The following NBEA variants were observed in gnomAD, a reference collection of about 807,000 sequenced individuals.
NBEA encodes lysosomal-trafficking regulator 2.
NBEA carries 44 observed loss-of-function variants against 343.4 expected under a neutral mutation model. The ratio of observed to expected loss-of-function variants is 0.13; its 90% CI spans 0.10 to 0.16. The LOEUF (loss-of-function observed/expected upper bound fraction) is 0.16. NBEA is among the 10% of genes least tolerant of loss of function. The probability of loss-of-function intolerance (pLI) is 1.00; values close to 1 mark genes in which losing one functional copy is unlikely to be tolerated. For missense variants in NBEA, 2,555 were observed against 3,631.3 expected, an observed-to-expected ratio of 0.70 and a Z score of 7.62; for synonymous variants, 1,175 against 1,238.7, an observed-to-expected ratio of 0.95 and a Z score of 1.08.
chr13:35,259,305 A>T (rs4941809), intron 34 of NBEA, among the ~76,000 whole-genome samples: 2 of 152,196 alleles, frequency 1.3e-5, no homozygotes, highest in African/African-American at 4.8e-5. Flanking sequence ...AACTACATTG[A>T]CTGCAGAAAG....
chr13:35,024,539 G>T (rs2061953401), intron 1 of NBEA, among the ~76,000 whole-genome samples: 1 of 152,074 alleles, frequency 6.6e-6, no homozygotes, highest in Non-Finnish European at 1.5e-5. Context: ...AATTAGCCAG[G>T]TGTGGTGGTA....
At position 35,098,567 on chromosome 13, in the gene NBEA, ACT is replaced by A. The variant is rs1183609902; in HGVS notation, c.1680+163_1680+164del. Among the ~76,000 whole-genome samples the A allele has an allele frequency of 2.6e-5, 4 of 152,308 alleles. No homozygotes were observed. In the East Asian group the frequency reaches 7.7e-4, roughly 29 times the overall value. On this transcript the variant is annotated intron_variant, in intron 11 of 58. Coordinates refer to ENST00000379939, the MANE Select transcript of NBEA (RefSeq NM_001385012.1). ...AGATTTAAGTGTAGACATGGAATTA[ACT>A]GGGTATCGGAAGTGTAATTAAGAAA... is the stretch of plus-strand genomic sequence containing the variant.
rs1460914475 is a variant in NBEA, at chr13:35,655,664, C to T, written c.8277C>T (p.Tyr2759=). 1.2e-6 allele frequency: 2 copies of T among 1,613,798 alleles called. No homozygotes were observed. Among genetic ancestry groups the T allele is most frequent in the Non-Finnish European group, 1.7e-6 (2 of 1,179,884 alleles). ...RSESYIGGDC[Y]IVSGSRDATL... ...AGTCATACATTGGTGGGGACTGCTA[C>T]ATCGTGTCCGGATCTCGAGATGCCA... Residue 2759 remains tyrosine (Y), a synonymous_variant, in exon 55 of 59, where the codon TAC becomes TAT. Coordinates refer to ENST00000379939, the MANE Select transcript of NBEA (RefSeq NM_001385012.1).
At chr13:35,452,022 T>C in intron 39 of NBEA, 70 bp from the exon 40 acceptor site, 2 of 1,087,156 alleles carry the variant, frequency 1.8e-6, no homozygotes, top group South Asian at 3.0e-5. Context: ...AGCAATCAAT[T>C]ATTTATAATA....
chr13:34,953,401 TTATAA>T (rs2059403471), intron 1 of NBEA, among the ~76,000 whole-genome samples: 1 of 152,188 alleles, frequency 6.6e-6, no homozygotes, highest in Non-Finnish European at 1.5e-5. Flanking sequence ...GTTCCTTTTA[TTATAA>T]TATATTGACT....
At chr13:35,006,828 C>T (rs1001708420) in intron 1 of NBEA, among the ~76,000 whole-genome samples, 1 of 152,200 alleles carries the variant, frequency 6.6e-6, no homozygotes, top group African/African-American at 2.4e-5. Context: ...TCTTGGCTTA[C>T]TGCAACCTCC....
chr13:35,244,965 T>C (rs911516408), intron 34 of NBEA, among the ~76,000 whole-genome samples: 3 of 152,148 alleles, frequency 2.0e-5, no homozygotes, highest in Non-Finnish European at 2.9e-5. Flanking sequence ...TACTGAAACT[T>C]TGCTGAATTC....
intron 32 of NBEA, among the ~76,000 whole-genome samples, chr13:35,210,586 T>G (rs566460777): frequency 2.6e-5 from 4 of 152,192 alleles, no homozygotes; most frequent in African/African-American, 9.6e-5. Context: ...ATGTAACTCA[T>G]TATAGCCCTT....
chr13:35,514,127 G>T (rs1427929452), intron 41 of NBEA, among the ~76,000 whole-genome samples: 1 of 150,438 alleles, frequency 6.6e-6, no homozygotes, highest in Non-Finnish European at 1.5e-5. Flanking sequence ...AAAAAAAAAA[G>T]AAACTGACAT....
chr13:35,453,834 AT>A (rs1487469261), intron 40 of NBEA, among the ~76,000 whole-genome samples: 3 of 152,176 alleles, frequency 2.0e-5, no homozygotes, highest in African/African-American at 7.2e-5. Context: ...ATGGTAGCTA[AT>A]TATTAATATT....
intron 22 of NBEA, among the ~76,000 whole-genome samples, chr13:35,160,434 A>G (rs983803280): frequency 1.2e-4 from 18 of 152,106 alleles, no homozygotes; most frequent in Admixed American, 9.8e-4. Flanking sequence ...TTCAGGCCCA[A>G]CCCTGTTCTG....
At chr13:35,279,759 A>G (rs2034914059) in intron 34 of NBEA, among the ~76,000 whole-genome samples, 1 of 152,090 alleles carries the variant, frequency 6.6e-6, no homozygotes, top group Non-Finnish European at 1.5e-5. Flanking sequence ...AGGTATCAAA[A>G]CACAATTTTT....
At chr13:35,212,373 G>T (rs2073831810) in intron 33 of NBEA, among the ~76,000 whole-genome samples, 1 of 151,790 alleles carries the variant, frequency 6.6e-6, no homozygotes, top group Non-Finnish European at 1.5e-5. Context: ...ATTTATTTAT[G>T]TGTCTATACC....
intron 1 of NBEA, among the ~76,000 whole-genome samples, chr13:35,017,529 C>T (rs1426819985): frequency 1.3e-5 from 2 of 152,088 alleles, no homozygotes; most frequent in African/African-American, 4.8e-5. Flanking sequence ...TGGTAGCTTA[C>T]TGTGGTTTCA....
chr13:35,563,875 TA>T (rs1057477728), intron 44 of NBEA, among the ~76,000 whole-genome samples: 64 of 23,334 alleles, frequency 2.7e-3, no homozygotes, highest in African/African-American at 4.3e-3. Flanking sequence ...AAAATAGCAT[TA>T]TTTTTTTTTT....
chr13:35,010,619 G>A (rs925170927), intron 1 of NBEA, among the ~76,000 whole-genome samples: 1 of 146,142 alleles, frequency 6.8e-6, no homozygotes, highest in Admixed American at 6.9e-5. Context: ...ATGGTGGCTC[G>A]TGCCTGTAAT....
intron 41 of NBEA, among the ~76,000 whole-genome samples, chr13:35,490,734 C>G (rs1410150566): frequency 9.0e-6 from 1 of 111,692 alleles, no homozygotes; most frequent in Non-Finnish European, 1.9e-5. Context: ...GGTGCTTTAT[C>G]TATATTACTG....
intron 38 of NBEA, among the ~76,000 whole-genome samples, chr13:35,378,616 A>T (rs1241525699): frequency 1.3e-5 from 2 of 152,054 alleles, no homozygotes; most frequent in Non-Finnish European, 2.9e-5. Flanking sequence ...ACCACAGGAT[A>T]TTTAAAAAGG....
At chr13:35,010,777 T>G (rs1179073270) in intron 1 of NBEA, among the ~76,000 whole-genome samples, 1 of 116,542 alleles carries the variant, frequency 8.6e-6, no homozygotes, top group East Asian at 2.6e-4. Context: ...TATATATATA[T>G]ATAAGCTGGG....
Sources: allele counts gnomAD v4.1 joint callset (sites outside exome capture counted in the v4.1 genomes callset), GRCh38; gene constraint gnomAD v4.1.1; transcripts MANE v1.5; gene names NCBI Gene and HGNC (gene_info 2026-07-23, HGNC 2026-07-21).